Variants in RIMKLA observed in about 807,000 individuals in gnomAD.
RIMKLA encodes N-acetylaspartylglutamate synthase A.
Under a neutral mutation model 32.7 loss-of-function variants are expected in RIMKLA, and 14 were observed. That is an observed-to-expected ratio of 0.43 (90% confidence interval 0.28 to 0.67). RIMKLA has a LOEUF of 0.67. Among genes scored for constraint, RIMKLA ranks in the 30% least tolerant of loss-of-function variants. RIMKLA has a pLI of 0.18. For synonymous variants in RIMKLA, 176 were observed against 204.1 expected (o/e 0.86, Z 1.18); for missense variants, 410 against 519.0 (o/e 0.79, Z 2.04).
chr1:42,385,848 T>TCTCTCTCTCTCTC (rs1557749953), intron 1 of RIMKLA, among the ~76,000 whole-genome samples: 12 of 16,688 alleles, frequency 7.2e-4, no homozygotes, highest in African/African-American at 1.6e-3. Context: ...TTCTTTCTCT[T>TCTCTCTCTCTCTC]TCTTTCTTTC....
rs532644442 is a variant in RIMKLA at position 42,423,419 on chromosome 1, T to C, written c.*8445T>C. Among the ~76,000 whole-genome samples, 51 of 152,356 alleles carry C rather than the reference T, an allele frequency of 3.3e-4. No homozygotes were observed. The highest frequency in any genetic ancestry group is 1.1e-3 in the African/African-American group (46 of 41,580). ...AAAAAGATTAGCAGTAATCCCTTGA[T>C]ACCATCTAATTCCCAGTCCGTATTC... On this transcript the variant is annotated 3_prime_UTR_variant, in exon 5 of 5. Coordinates refer to ENST00000431473, the MANE Select transcript of RIMKLA (RefSeq NM_173642.4).
At chr1:42,404,640 TA>T in intron 3 of RIMKLA, 43 bp downstream of exon 3, 1 of 1,252,428 alleles carries the variant, frequency 8.0e-7, no homozygotes, top group Non-Finnish European at 1.2e-6. Flanking sequence ...ATCAGCCCAC[TA>T]GGGCTGCTGC....
Position 42,404,542 on chromosome 1 carries a change from T to C in RIMKLA, c.426T>C (p.Asp142=). 2 of 1,613,846 alleles carry C rather than the reference T, an allele frequency of 1.2e-6. No individual in the cohort carries two copies. Among genetic ancestry groups the C allele is most frequent in the Non-Finnish European group, 1.7e-6 (2 of 1,179,898 alleles). Reference sequence around the variant, plus strand: ...ATGAAGACTTTTCAAAAATGATTGATGAAGCTGAGCCCCTGGGCTACCCAG... The same window carrying C: ...ATGAAGACTTTTCAAAAATGATTGACGAAGCTGAGCCCCTGGGCTACCCAG... ...GGHEDFSKMI[D]EAEPLGYPVV... Residue 142 remains aspartate (D), a synonymous_variant, in exon 3 of 5, where the codon GAT becomes GAC. Transcript: ENST00000431473.
In RIMKLA at chr1:42,385,832, CTTTCTTTCTTTCTCTTT is replaced by C. The variant is rs1456275939; in HGVS notation, c.163+4736_163+4752del. On this transcript the variant is annotated intron_variant, in intron 1 of 4. Transcript: ENST00000431473. Reference sequence around the variant, plus strand: ...CTTTCCTTCCTTCCTTCCTTCCTTTCTTTCTTTCTTTCTCTTTCTTTCTTTCTTTCTTTCTTTCTTTC... The same window carrying C: ...CTTTCCTTCCTTCCTTCCTTCCTTTCCTTTCTTTCTTTCTTTCTTTCTTTC... Among the ~76,000 whole-genome samples the C allele has an allele frequency of 3.4e-4, 25 of 73,386 alleles. 1 individual carries two copies. Among genetic ancestry groups the C allele is most frequent in the Middle Eastern group, 8.9e-3 (1 of 112 alleles). The allele number at this position is 73,386 out of a possible 152,430, so 48.1% of individuals were successfully genotyped here.
At chr1:42,385,808 T>TCCTTCCTTCCTTCC (rs1314424316) in intron 1 of RIMKLA, among the ~76,000 whole-genome samples, 2 of 75,892 alleles carry the variant, frequency 2.6e-5, no homozygotes, top group Admixed American at 1.3e-4. Flanking sequence ...TCTCTCTCTC[T>TCCTTCCTTCCTTCC]TTCCTTCCTT....
Position 42,418,252 on chromosome 1 carries a change from C to T in RIMKLA, c.*3278C>T, listed in dbSNP as rs1260820142. 2 of 152,340 alleles carry T rather than the reference C, an allele frequency of 1.3e-5. No homozygotes were observed. Among genetic ancestry groups the T allele is most frequent in the East Asian group, 1.9e-4 (1 of 5,182 alleles). 9.4% of individuals were successfully genotyped at this position (152,340 alleles called of 1,614,324 possible). Reference sequence around the variant, plus strand: ...AAAACTTGAATGCCAATAGCTCAGTCACTCAGAATATACGATTCTGCACTT... The same window carrying T: ...AAAACTTGAATGCCAATAGCTCAGTTACTCAGAATATACGATTCTGCACTT... On this transcript the variant is annotated 3_prime_UTR_variant, in exon 5 of 5. Transcript: ENST00000431473.
At chr1:42,405,649 CAAAAAACA>C (rs999883595) in intron 3 of RIMKLA, among the ~76,000 whole-genome samples, 2 of 151,986 alleles carry the variant, frequency 1.3e-5, no homozygotes, top group Admixed American at 6.6e-5. Flanking sequence ...GACCATGTCT[CAAAAAACA>C]AAAAAACAAA....
At chr1:42,401,450 A>G (rs1465668366) in intron 2 of RIMKLA, among the ~76,000 whole-genome samples, 5 of 148,012 alleles carry the variant, frequency 3.4e-5, no homozygotes, top group Admixed American at 6.8e-5. Context: ...CTCCATGTCT[A>G]AAAAAAAAAG....
At position 42,423,931 on chromosome 1, in the gene RIMKLA, T is replaced by C. The variant is rs756868075; in HGVS notation, c.*8957T>C. On this transcript the variant is annotated 3_prime_UTR_variant, in exon 5 of 5. Coordinates refer to ENST00000431473, the MANE Select transcript of RIMKLA (RefSeq NM_173642.4). ...AGCTCCTCAAGGGCCTAAGCATCTT[T>C]TGTTAGAAAATTCTGGCTGAAATTC... Among the ~76,000 whole-genome samples, 3 of 152,168 alleles carry C rather than the reference T, an allele frequency of 2.0e-5. No homozygotes were observed. Among genetic ancestry groups the C allele is most frequent in the African/African-American group, 4.8e-5 (2 of 41,448 alleles).
At chr1:42,381,897 C>T (rs1335177769) in intron 1 of RIMKLA, among the ~76,000 whole-genome samples, 1 of 152,220 alleles carries the variant, frequency 6.6e-6, no homozygotes, top group Non-Finnish European at 1.5e-5. Flanking sequence ...CTCTGGCTTG[C>T]TGTTTGAGTG....
At chr1:42,400,216 G>T (rs1410882853) in intron 2 of RIMKLA, among the ~76,000 whole-genome samples, 1 of 147,062 alleles carries the variant, frequency 6.8e-6, no homozygotes, top group African/African-American at 2.5e-5. Flanking sequence ...AATGTTAAGA[G>T]AGATATAGCT....
chr1:42,408,225 C>T (rs969376054), intron 3 of RIMKLA, among the ~76,000 whole-genome samples: 2 of 152,166 alleles, frequency 1.3e-5, no homozygotes, highest in African/African-American at 4.8e-5. Context: ...TCCAGCTTCC[C>T]TGACATTGAC....
intron 1 of RIMKLA, among the ~76,000 whole-genome samples, chr1:42,387,173 G>A (rs539638368): frequency 7.3e-5 from 11 of 151,526 alleles, no homozygotes; most frequent in South Asian, 2.1e-4. Context: ...CCTGGGAGGC[G>A]GAGGTTGCAG....
At chr1:42,404,661 A>G in intron 3 of RIMKLA, 64 bp downstream of exon 3, 1 of 1,024,244 alleles carries the variant, frequency 9.8e-7, no homozygotes, top group South Asian at 1.3e-5. Flanking sequence ...CTCTGCCTGG[A>G]CAAGACACTC....
intron 4 of RIMKLA, among the ~76,000 whole-genome samples, chr1:42,410,937 G>C (rs1241090528): frequency 1.3e-5 from 2 of 152,166 alleles, no homozygotes; most frequent in Non-Finnish European, 2.9e-5. Context: ...TTCTTTCATT[G>C]ATAGTCATTG....
chr1:42,385,898 CCTT>C (rs1642942030), intron 1 of RIMKLA, among the ~76,000 whole-genome samples: 1 of 86,604 alleles, frequency 1.2e-5, no homozygotes, highest in East Asian at 2.6e-4. Flanking sequence ...TTCTTTCTTT[CCTT>C]CTTTCCTTCT....
At position 42,380,921 on chromosome 1, in the gene RIMKLA, C is replaced by G. The variant is rs1230835342; in HGVS notation, c.-14C>G. On this transcript the variant is annotated 5_prime_UTR_variant, in exon 1 of 5. Transcript: ENST00000431473. ...AGGGGTCCGCGCCGCGCGGGGCGCA[C>G]CGCCCTGGCCGCCATGTGCTCCCAG... 7.4e-7 allele frequency: 1 copy of G among 1,351,506 alleles called. No homozygotes were observed. Among genetic ancestry groups the G allele is most frequent in the Non-Finnish European group, 9.5e-7 (1 of 1,050,394 alleles). The allele number at this position is 1,351,506 out of a possible 1,614,324, so 83.7% of individuals were successfully genotyped here.
At chr1:42,385,083 A>G (rs1429339084) in intron 1 of RIMKLA, among the ~76,000 whole-genome samples, 2 of 152,182 alleles carry the variant, frequency 1.3e-5, no homozygotes, top group Non-Finnish European at 2.9e-5. Flanking sequence ...GTCTATTTAT[A>G]CAGTTTATAT....
chr1:42,385,842 T>TTCTCTCTC (rs200871565), intron 1 of RIMKLA, among the ~76,000 whole-genome samples: 1 of 63,606 alleles, frequency 1.6e-5, no homozygotes, highest in African/African-American at 6.1e-5. Flanking sequence ...CTTTCTTTCT[T>TTCTCTCTC]TCTCTTTCTT....
Sources: allele counts gnomAD v4.1 joint callset (sites outside exome capture counted in the v4.1 genomes callset), GRCh38; gene constraint gnomAD v4.1.1; transcripts MANE v1.5; gene names NCBI Gene and HGNC (gene_info 2026-07-23, HGNC 2026-07-21).